The following ZNF385B variants were observed in gnomAD, a reference collection of about 807,000 sequenced individuals.
ZNF385B encodes zinc finger protein 385B.
Under a neutral mutation model 39.2 loss-of-function variants are expected in ZNF385B, and 23 were observed. The observed-to-expected ratio is 0.59, with a 90% CI of 0.42 to 0.83. ZNF385B has a LOEUF of 0.83. Ranked by LOEUF, ZNF385B falls within the 40% of genes least tolerant of loss-of-function variation. The pLI, the probability that ZNF385B is intolerant of heterozygous loss-of-function variation, is 0.00. For missense variants in ZNF385B, 552 were observed against 598.9 expected (o/e 0.92, Z 0.82); for synonymous variants, 205 against 222.6 (o/e 0.92, Z 0.70).
At chr2:179,582,413 G>C (rs925484338) in intron 3 of ZNF385B, among the ~76,000 whole-genome samples, 32 of 152,114 alleles carry the variant, frequency 2.1e-4, no homozygotes, top group Non-Finnish European at 2.8e-4. Flanking sequence ...GATTCTCCTG[G>C]ACTATGAAAT....
At chr2:179,612,021 T>C (rs143042632) in intron 3 of ZNF385B, among the ~76,000 whole-genome samples, 1 of 152,286 alleles carries the variant, frequency 6.6e-6, no homozygotes, top group African/African-American at 2.4e-5. Flanking sequence ...TTCTGATAAA[T>C]ACTGCAGTAT....
chr2:179,823,894 G>A (rs1180020336), intron 1 of ZNF385B, among the ~76,000 whole-genome samples: 28 of 151,952 alleles, frequency 1.8e-4, no homozygotes, highest in Admixed American at 1.8e-3. Context: ...AATTGTTTTT[G>A]GTTGCAAGTA....
In ZNF385B at chr2:179,555,952, G is replaced by A. The variant is rs1296792840; in HGVS notation, c.299-10983C>T. Among the ~76,000 whole-genome samples the A allele has an allele frequency of 5.4e-5, 8 of 149,462 alleles. 1 individual carries two copies. In the South Asian group the frequency reaches 1.7e-3, roughly 32 times the overall value. On this transcript the variant is annotated intron_variant, in intron 3 of 9. Transcript: ENST00000410066. ...AAATCCTTTTGAGCACTGCACTGAA[G>A]TTGATAAGCAATAATGAAGTGCTGC...
intron 3 of ZNF385B, among the ~76,000 whole-genome samples, chr2:179,685,445 T>G (rs1420653008): frequency 6.6e-6 from 1 of 152,196 alleles, no homozygotes; most frequent in African/African-American, 2.4e-5. Flanking sequence ...GAGGTTTAAT[T>G]TTTATCTCTA....
intron 3 of ZNF385B, among the ~76,000 whole-genome samples, chr2:179,582,262 G>T (rs574805139): frequency 6.6e-6 from 1 of 152,262 alleles, no homozygotes; most frequent in East Asian, 1.9e-4. Context: ...ATTATAAAAA[G>T]ACTTTAATTT....
chr2:179,564,018 C>T (rs1008887187), intron 3 of ZNF385B, among the ~76,000 whole-genome samples: 11 of 152,130 alleles, frequency 7.2e-5, no homozygotes, highest in Non-Finnish European at 1.6e-4. Flanking sequence ...TTTATTTGTA[C>T]GTCTCACATA....
chr2:179,667,983 A>T (rs1695396807), intron 3 of ZNF385B, among the ~76,000 whole-genome samples: 1 of 152,158 alleles, frequency 6.6e-6, no homozygotes, highest in South Asian at 2.1e-4. Context: ...CAACCAAACA[A>T]ATCCTAATCA....
intron 1 of ZNF385B, among the ~76,000 whole-genome samples, chr2:179,776,702 A>AGT (rs1229048666): frequency 2.0e-5 from 3 of 152,170 alleles, no homozygotes; most frequent in Non-Finnish European, 4.4e-5. Flanking sequence ...CAAGGAAGGC[A>AGT]GTGGTCCAAA....
intron 1 of ZNF385B, among the ~76,000 whole-genome samples, chr2:179,822,200 TCTTAGC>T (rs1707437754): frequency 2.0e-5 from 3 of 152,346 alleles, no homozygotes; most frequent in Admixed American, 2.0e-4. Context: ...TCCTTCTTTT[TCTTAGC>T]CTTCCCTTAG....
At chr2:179,535,040 G>A (rs1302222386) in intron 4 of ZNF385B, among the ~76,000 whole-genome samples, 1 of 152,132 alleles carries the variant, frequency 6.6e-6, no homozygotes, top group Non-Finnish European at 1.5e-5. Context: ...ATACTATAAT[G>A]GCAATGGACC....
In ZNF385B at chr2:179,542,744, A is replaced by G. The variant is rs528227742; in HGVS notation, c.441+2083T>C. Among the ~76,000 whole-genome samples, 4 of 152,300 alleles carry G rather than the reference A, an allele frequency of 2.6e-5. No homozygotes were observed. The South Asian group carries it at 6.2e-4, about 24-fold the overall frequency. ...TGACTAACAGATTAGTGCTAATCAT[A>G]TGATCGCAATTGTAAAAAAAAACTG... On this transcript the variant is annotated intron_variant, in intron 4 of 9. Coordinates refer to ENST00000410066, the MANE Select transcript of ZNF385B (RefSeq NM_152520.6).
chr2:179,472,366 AT>A (rs1269651769), intron 6 of ZNF385B, among the ~76,000 whole-genome samples: 2 of 152,340 alleles, frequency 1.3e-5, no homozygotes, highest in Non-Finnish European at 2.9e-5. Context: ...GAGTAGAATT[AT>A]TTTACTTTTT....
intron 3 of ZNF385B, among the ~76,000 whole-genome samples, chr2:179,704,550 T>C (rs114803602): frequency 0.01 from 1,578 of 152,304 alleles, 13 homozygotes; most frequent in Non-Finnish European, 0.014. Flanking sequence ...TAAGACACCA[T>C]GACAGTGAAT....
At chr2:179,732,120 G>C (rs1701433450) in intron 3 of ZNF385B, among the ~76,000 whole-genome samples, 1 of 152,182 alleles carries the variant, frequency 6.6e-6, no homozygotes, top group South Asian at 2.1e-4. Context: ...CTCACAGCAG[G>C]AGTTTAATGA....
intron 5 of ZNF385B, among the ~76,000 whole-genome samples, chr2:179,493,893 T>C (rs2055861583): frequency 6.7e-6 from 1 of 149,926 alleles, no homozygotes; most frequent in Non-Finnish European, 1.5e-5. Context: ...ATGCAACAAA[T>C]ATCTATTGAA....
chr2:179,652,439 C>G (rs891357607), intron 3 of ZNF385B, among the ~76,000 whole-genome samples: 1 of 152,058 alleles, frequency 6.6e-6, no homozygotes, highest in Admixed American at 6.6e-5. Context: ...CTGGGAAACC[C>G]TGCTTTTTAC....
intron 3 of ZNF385B, chr2:179,562,681 G>A: frequency 1.3e-6 from 1 of 785,342 alleles, no homozygotes; most frequent in Non-Finnish European, 1.5e-6. Context: ...ACTGACAAGT[G>A]GCTTTCTTTC....
intron 5 of ZNF385B, among the ~76,000 whole-genome samples, chr2:179,498,370 TA>T (rs2056439540): frequency 6.6e-6 from 1 of 152,018 alleles, no homozygotes; most frequent in Admixed American, 6.6e-5. Context: ...ACATTTAATC[TA>T]ATGGCTGTAG....
intron 3 of ZNF385B, among the ~76,000 whole-genome samples, chr2:179,751,104 AG>A (rs1702642281): frequency 6.6e-6 from 1 of 152,074 alleles, no homozygotes; most frequent in Non-Finnish European, 1.5e-5. Context: ...AATATATTTA[AG>A]TAGTAATTTT....
Sources: gnomAD v4.1 joint callset for allele counts (sites outside exome capture counted in the v4.1 genomes callset) on GRCh38, gnomAD v4.1.1 for gene constraint, MANE v1.5 for transcripts, NCBI Gene and HGNC (gene_info 2026-07-23, HGNC 2026-07-21) for gene names.